The following UBASH3B variants were observed in gnomAD, a reference collection of about 807,000 sequenced individuals.
UBASH3B encodes the protein ubiquitin associated and SH3 domain containing B, also known as ubiquitin-associated and SH3 domain-containing protein B.
A neutral mutation model predicts 83.4 loss-of-function variants in UBASH3B; 37 were observed. That is an observed-to-expected ratio of 0.44 (90% CI 0.34 to 0.58). UBASH3B has a LOEUF of 0.58. Ranked by LOEUF, UBASH3B falls within the 20% of genes least tolerant of loss-of-function variation. The pLI is 0.01. For synonymous variants in UBASH3B, 304 were observed against 318.3 expected, an observed-to-expected ratio of 0.96 and a Z score of 0.48; for missense variants, 657 against 827.2, an observed-to-expected ratio of 0.79 and a Z score of 2.52.
At chr11:122,708,463 T>C (rs1422939732) in intron 1 of UBASH3B, among the ~76,000 whole-genome samples, 1 of 151,936 alleles carries the variant, frequency 6.6e-6, no homozygotes, top group East Asian at 1.9e-4. Flanking sequence ...AGCTAATTTT[T>C]TTGTATTATT....
intron 1 of UBASH3B, among the ~76,000 whole-genome samples, chr11:122,657,028 C>T (rs1339940643): frequency 1.3e-5 from 2 of 152,152 alleles, no homozygotes; most frequent in Non-Finnish European, 2.9e-5. Context: ...TCAGGCCGGT[C>T]GGCTCAAGTC....
chr11:122,660,265 A>G (rs1863420304), intron 1 of UBASH3B, among the ~76,000 whole-genome samples: 1 of 152,094 alleles, frequency 6.6e-6, no homozygotes, highest in Non-Finnish European at 1.5e-5. Context: ...TGGCGATTTC[A>G]CGGTGTGTGT....
chr11:122,699,190 G>A (rs1565533353), intron 1 of UBASH3B, among the ~76,000 whole-genome samples: 1 of 152,180 alleles, frequency 6.6e-6, no homozygotes, highest in Non-Finnish European at 1.5e-5. Flanking sequence ...ATGGAGGAGG[G>A]GCATGGGAGG....
At chr11:122,786,996 C>G (rs540200067) in intron 5 of UBASH3B, among the ~76,000 whole-genome samples, 4 of 152,086 alleles carry the variant, frequency 2.6e-5, no homozygotes, top group South Asian at 2.1e-4. Context: ...CCCGCTCCCC[C>G]CCCACCGCCC....
chr11:122,764,080 G>A (rs775204725), intron 1 of UBASH3B, among the ~76,000 whole-genome samples: 6 of 152,194 alleles, frequency 3.9e-5, no homozygotes, highest in Non-Finnish European at 7.3e-5. Context: ...TTTGAGTGTC[G>A]TTGGAAGGAG....
chr11:122,788,228 A>G lies in UBASH3B; in HGVS notation c.772-872A>G, dbSNP rs886637189. 7.9e-4 allele frequency among the ~76,000 whole-genome samples: 121 copies of G among 152,294 alleles called. 1 individual carries two copies. Among genetic ancestry groups the G allele is most frequent in the African/African-American group, 2.7e-3 (113 of 41,568 alleles). On this transcript the variant is annotated intron_variant, in intron 5 of 13. Coordinates refer to ENST00000284273, the MANE Select transcript of UBASH3B (RefSeq NM_032873.5). Reference sequence around the variant, plus strand: ...TTCTTTCAGGATCTTTGTTAAAACTATAGGTTTAAAGAAAACTCCTTTAAG... The same window carrying G: ...TTCTTTCAGGATCTTTGTTAAAACTGTAGGTTTAAAGAAAACTCCTTTAAG...
intron 1 of UBASH3B, among the ~76,000 whole-genome samples, chr11:122,725,265 C>T (rs7937493): frequency 0.46 from 67,394 of 145,474 alleles, 15,580 homozygotes; most frequent in Middle Eastern, 0.59. Context: ...CCACCGTGCC[C>T]GGCCTCAAAT....
At chr11:122,681,293 C>A (rs1445943327) in intron 1 of UBASH3B, among the ~76,000 whole-genome samples, 1 of 152,174 alleles carries the variant, frequency 6.6e-6, no homozygotes, top group African/African-American at 2.4e-5. Flanking sequence ...TTTAAATCCA[C>A]CCAAAATTTC....
chr11:122,657,535 C>G (rs970092697), intron 1 of UBASH3B, among the ~76,000 whole-genome samples: 1 of 152,148 alleles, frequency 6.6e-6, no homozygotes, highest in Non-Finnish European at 1.5e-5. Context: ...GTGATCCACC[C>G]ACCTCGGTCT....
intron 1 of UBASH3B, among the ~76,000 whole-genome samples, chr11:122,684,919 C>T (rs1427610229): frequency 4.6e-5 from 7 of 152,124 alleles, no homozygotes; most frequent in African/African-American, 1.2e-4. Context: ...TTTAAGAGAG[C>T]CTTTCAACAA....
chr11:122,655,850 C>G lies in UBASH3B; in HGVS notation c.-200C>G. 1 of 558,702 alleles carries G rather than the reference C, an allele frequency of 1.8e-6. No individual in the cohort carries two copies. Among genetic ancestry groups the G allele is most frequent in the Non-Finnish European group, 2.9e-6 (1 of 344,402 alleles). 34.6% of individuals were successfully genotyped at this position (558,702 alleles called of 1,614,324 possible). A position where few individuals can be genotyped will look rare whatever the true frequency, so the allele number is the denominator to read the frequency against. ...GGCTGGTCCCGCAGCGGCCGCTTGC[C>G]GGCGTTCTGGCTCCTGTGGCCTCAC... is the stretch of plus-strand genomic sequence containing the variant. On this transcript the variant is annotated 5_prime_UTR_variant, in exon 1 of 14. Coordinates refer to ENST00000284273, the MANE Select transcript of UBASH3B (RefSeq NM_032873.5).
chr11:122,670,854 C>G (rs370315670), intron 1 of UBASH3B, among the ~76,000 whole-genome samples: 5 of 152,074 alleles, frequency 3.3e-5, no homozygotes. Context: ...TCTCCGCCTC[C>G]TAGGTTCAAG....
intron 1 of UBASH3B, among the ~76,000 whole-genome samples, chr11:122,689,418 T>A (rs1181885828): frequency 6.6e-6 from 1 of 152,184 alleles, no homozygotes; most frequent in Admixed American, 6.5e-5. Context: ...TACACACGAA[T>A]TTTTGTGTCC....
chr11:122,656,252 C>A (rs1263619523), intron 1 of UBASH3B, 42 bp downstream of exon 1: 10 of 1,357,778 alleles, frequency 7.4e-6, no homozygotes, highest in Non-Finnish European at 9.5e-6. Flanking sequence ...CCCTCCCGCG[C>A]GCGCGGCCGG....
intron 1 of UBASH3B, among the ~76,000 whole-genome samples, chr11:122,735,579 G>A (rs1206075690): frequency 3.3e-5 from 5 of 152,176 alleles, no homozygotes; most frequent in East Asian, 1.9e-4. Flanking sequence ...CTTTGGGTTC[G>A]GTAAAGGAAT....
At chr11:122,732,507 G>A (rs1860859857) in intron 1 of UBASH3B, among the ~76,000 whole-genome samples, 1 of 152,210 alleles carries the variant, frequency 6.6e-6, no homozygotes, top group Non-Finnish European at 1.5e-5. Flanking sequence ...TTTCCTAATG[G>A]AGACACAGGA....
intron 1 of UBASH3B, among the ~76,000 whole-genome samples, chr11:122,736,197 G>A (rs924380632): frequency 6.6e-6 from 1 of 151,816 alleles, no homozygotes; most frequent in East Asian, 1.9e-4. Context: ...TTTCAGCTTT[G>A]TGCCAGTTCT....
chr11:122,705,316 T>C (rs1298177907), intron 1 of UBASH3B, among the ~76,000 whole-genome samples: 1 of 151,794 alleles, frequency 6.6e-6, no homozygotes. Context: ...TGTGGTGGCA[T>C]GTGCCTGTAA....
intron 1 of UBASH3B, among the ~76,000 whole-genome samples, chr11:122,760,830 G>C (rs987907007): frequency 6.6e-6 from 1 of 152,304 alleles, no homozygotes; most frequent in Admixed American, 6.5e-5. Context: ...GATGCCTTAC[G>C]TTGAATCCTG....
Sources: allele counts gnomAD v4.1 joint callset (sites outside exome capture counted in the v4.1 genomes callset), GRCh38; gene constraint gnomAD v4.1.1; transcripts MANE v1.5; gene names NCBI Gene and HGNC (gene_info 2026-07-23, HGNC 2026-07-21).